Variants in BMERB1 observed in about 807,000 individuals in gnomAD.
BMERB1 encodes the protein bMERB domain-containing protein 1.
In BMERB1, 12 loss-of-function variants were observed where a neutral mutation model predicts 23.6. The observed-to-expected ratio is 0.51, with a 90% CI of 0.33 to 0.82. BMERB1 has a LOEUF of 0.82. Among genes scored for constraint, BMERB1 ranks in the 40% least tolerant of loss-of-function variants. The pLI is 0.03. For missense variants in BMERB1, 247 were observed against 255.4 expected (o/e 0.97, Z 0.22); for synonymous variants, 122 against 96.6 (o/e 1.26, Z -1.54).
intron 3 of BMERB1, among the ~76,000 whole-genome samples, chr16:15,578,979 C>G (rs1034843501): frequency 6.6e-6 from 1 of 152,178 alleles, no homozygotes; most frequent in Non-Finnish European, 1.5e-5. Context: ...TGAGCTGACG[C>G]AGGCCACTTG....
chr16:15,538,177 A>C (rs557856440), intron 2 of BMERB1, among the ~76,000 whole-genome samples: 1 of 152,272 alleles, frequency 6.6e-6, no homozygotes, highest in East Asian at 1.9e-4. Flanking sequence ...GATGGGCCGG[A>C]TGCGTTGGCT....
chr16:15,476,807 G>A lies in BMERB1; in HGVS notation c.107-38498G>A, dbSNP rs559217603. Among the ~76,000 whole-genome samples the A allele has an allele frequency of 7.2e-5, 11 of 152,250 alleles. No individual in the cohort carries two copies. The East Asian group carries it at 2.1e-3, about 29-fold the overall frequency. ...TACCACCTTCTTCCACTGGGTGGGG[G>A]ATACAGGATCAGCTTCCCACTCATT... On this transcript the variant is annotated intron_variant, in intron 1 of 5. Coordinates refer to ENST00000300006, the MANE Select transcript of BMERB1 (RefSeq NM_033201.3).
intron 1 of BMERB1, among the ~76,000 whole-genome samples, chr16:15,438,839 T>C (rs2050911787): frequency 6.6e-6 from 1 of 152,202 alleles, no homozygotes; most frequent in East Asian, 1.9e-4. Flanking sequence ...TCTCAGGGTA[T>C]CTATGGATCC....
Position 15,583,231 on chromosome 16 carries a change from T to A in BMERB1, c.495T>A (p.Ser165=). The A allele has an allele frequency of 6.2e-7, 1 of 1,606,024 alleles. No homozygotes were observed. Among genetic ancestry groups the A allele is most frequent in the Non-Finnish European group, 8.5e-7 (1 of 1,172,704 alleles). Residue 165 remains serine, a synonymous_variant, in exon 5 of 6, where the codon TCT becomes TCA. Coordinates refer to ENST00000300006, the MANE Select transcript of BMERB1 (RefSeq NM_033201.3). ...KLKPLDKVTK[S]PASSRAEKKA... is the part of the protein sequence containing the mutation. ...AACCTCTAGACAAAGTAACCAAATCTCCAGCCAGTGAGTATATACATTATT... is the reference window on the plus strand; with the variant it reads ...AACCTCTAGACAAAGTAACCAAATCACCAGCCAGTGAGTATATACATTATT...
chr16:15,539,978 T>C (rs1178248601), intron 2 of BMERB1, among the ~76,000 whole-genome samples: 1 of 151,976 alleles, frequency 6.6e-6, no homozygotes, highest in East Asian at 1.9e-4. Context: ...CTGGGCAACA[T>C]GACGAAACTC....
chr16:15,587,739 G>C lies in BMERB1; in HGVS notation c.*910G>C. The C allele has an allele frequency of 3.5e-6, 1 of 284,838 alleles. No homozygotes were observed. The highest frequency in any genetic ancestry group is 2.7e-5 in the South Asian group (1 of 37,404). 17.6% of individuals were successfully genotyped at this position (284,838 alleles called of 1,614,324 possible). On this transcript the variant is annotated 3_prime_UTR_variant, in exon 6 of 6. Coordinates refer to ENST00000300006, the MANE Select transcript of BMERB1 (RefSeq NM_033201.3). The stretch of plus-strand genomic sequence containing the variant: ...CAGCAACAGGCAGGAGAGGCAGCGT[G>C]TGACCAGATTGTGTCCCGTCATTGG...
At chr16:15,441,995 C>T (rs1211841455) in intron 1 of BMERB1, among the ~76,000 whole-genome samples, 1 of 151,954 alleles carries the variant, frequency 6.6e-6, no homozygotes, top group Non-Finnish European at 1.5e-5. Flanking sequence ...TGACAAGGGC[C>T]CCATGGGTTG....
chr16:15,548,377 C>T (rs1480749841), intron 2 of BMERB1, among the ~76,000 whole-genome samples: 1 of 152,182 alleles, frequency 6.6e-6, no homozygotes. Context: ...CTCAGCTTCT[C>T]TTCTAAGTAA....
chr16:15,486,258 T>C (rs1414717190), intron 1 of BMERB1, among the ~76,000 whole-genome samples: 1 of 150,944 alleles, frequency 6.6e-6, no homozygotes, highest in Non-Finnish European at 1.5e-5. Flanking sequence ...CGTTTGAGGA[T>C]TCTTTTGGTT....
At chr16:15,457,351 C>A (rs971424073) in intron 1 of BMERB1, among the ~76,000 whole-genome samples, 15 of 152,344 alleles carry the variant, frequency 9.8e-5, no homozygotes, top group African/African-American at 3.4e-4. Context: ...GCTTGTTCAC[C>A]TTCCAGCTAA....
At position 15,448,118 on chromosome 16, in the gene BMERB1, G is replaced by A. The variant is rs909724211; in HGVS notation, c.106+13359G>A. The stretch of plus-strand genomic sequence containing the variant: ...TTGGCCAGGCTGGTCTCAAACTCCT[G>A]ACCTCAGGTGATCTGCCTGCCTTGG... On this transcript the variant is annotated intron_variant, in intron 1 of 5. Transcript: ENST00000300006. The A allele has an allele frequency of 1.2e-5, 4 of 329,390 alleles. No homozygotes were observed. The East Asian group carries it at 2.8e-4, about 23-fold the overall frequency. 20.4% of individuals were successfully genotyped at this position (329,390 alleles called of 1,614,324 possible).
chr16:15,452,273 CCT>C (rs1169094331), intron 1 of BMERB1, among the ~76,000 whole-genome samples: 2 of 128,444 alleles, frequency 1.6e-5, no homozygotes, highest in Non-Finnish European at 3.2e-5. Context: ...AGAGTGAGAC[CCT>C]GTCTCTTAAA....
chr16:15,435,443 A>T (rs2050880154), intron 1 of BMERB1, among the ~76,000 whole-genome samples: 2 of 152,234 alleles, frequency 1.3e-5, no homozygotes, highest in South Asian at 4.1e-4. Context: ...AACATTTCTA[A>T]GTAAACGAAG....
chr16:15,558,558 C>T (rs1035010237), intron 2 of BMERB1, among the ~76,000 whole-genome samples: 2 of 151,988 alleles, frequency 1.3e-5, no homozygotes, highest in African/African-American at 2.4e-5. Context: ...TTGATCTCAA[C>T]GGGTTCGAAC....
intron 1 of BMERB1, among the ~76,000 whole-genome samples, chr16:15,477,712 G>GT (rs555987464): frequency 0.11 from 16,660 of 146,570 alleles, 1,086 homozygotes; most frequent in African/African-American, 0.17. Flanking sequence ...TTCTTAGAGC[G>GT]TTTTTTTTTT....
intron 2 of BMERB1, among the ~76,000 whole-genome samples, chr16:15,529,848 G>A (rs553057617): frequency 1.2e-4 from 18 of 152,180 alleles, no homozygotes; most frequent in Admixed American, 2.6e-4. Flanking sequence ...AGCTAAGTGC[G>A]TTATTTTCCT....
At chr16:15,527,820 C>A (rs1285582693) in intron 2 of BMERB1, among the ~76,000 whole-genome samples, 1 of 152,110 alleles carries the variant, frequency 6.6e-6, no homozygotes, top group African/African-American at 2.4e-5. Context: ...CCTAGCTCAG[C>A]AAATGGTCAA....
chr16:15,510,292 A>T (rs1165778856), intron 1 of BMERB1, among the ~76,000 whole-genome samples: 2 of 152,172 alleles, frequency 1.3e-5, no homozygotes, highest in East Asian at 3.8e-4. Context: ...TGCCTGGACC[A>T]GAGGCAGCTG....
At chr16:15,436,851 T>A (rs7404843) in intron 1 of BMERB1, among the ~76,000 whole-genome samples, 92 of 151,824 alleles carry the variant, frequency 6.1e-4, no homozygotes, top group Non-Finnish European at 1.1e-3. Context: ...TTTAGTCCCC[T>A]CAACAACCTC....
Sources: allele counts gnomAD v4.1 joint callset (sites outside exome capture counted in the v4.1 genomes callset), GRCh38; gene constraint gnomAD v4.1.1; transcripts MANE v1.5; gene names NCBI Gene and HGNC (gene_info 2026-07-23, HGNC 2026-07-21).